The following CSMD1 variants were observed in gnomAD, a reference collection of about 807,000 sequenced individuals.
The protein encoded by CSMD1 is CUB and Sushi multiple domains 1, also known as CUB and sushi domain-containing protein 1.
In CSMD1, 213 loss-of-function variants were observed where a neutral mutation model predicts 417.5. The observed-to-expected ratio is 0.51, with a 90% CI of 0.46 to 0.57. The LOEUF is 0.57. Among genes scored for constraint, CSMD1 ranks in the 20% least tolerant of loss-of-function variants. The pLI is 0.00. For missense variants in CSMD1, 6,923 were observed against 4,529.7 expected, an observed-to-expected ratio of 1.53 and a Z score of -15.17; for synonymous variants, 2,862 against 1,736.8, an observed-to-expected ratio of 1.65 and a Z score of -16.11.
At position 3,983,509 on chromosome 8, in the gene CSMD1, G is replaced by C. The variant is rs551682088; in HGVS notation, c.818+14394C>G. On this transcript the variant is annotated intron_variant, in intron 5 of 69. Transcript: ENST00000635120. ...TGAGGAAAATATACTTACAGGACTT[G>C]GGACAGGAAACTGCCCTTGGATGCC... Among the ~76,000 whole-genome samples the C allele has an allele frequency of 2.2e-4, 34 of 152,314 alleles. No individual in the cohort carries two copies. In the South Asian group the frequency reaches 6.8e-3, roughly 31 times the overall value.
At chr8:3,935,272 T>A (rs1379121315) in intron 5 of CSMD1, among the ~76,000 whole-genome samples, 4 of 152,204 alleles carry the variant, frequency 2.6e-5, no homozygotes, top group African/African-American at 9.6e-5. Context: ...GAAAGAATTT[T>A]CATAGATACT....
rs1475871062 is a variant in CSMD1 at position 4,032,116 on chromosome 8, A to G, written c.416-17T>C. ...TAGGTAAAACTATTGGAAAAAGAAAAGAAAGGAGAAAAAACAAGTTAAATT... is the reference window on the plus strand; with the variant it reads ...TAGGTAAAACTATTGGAAAAAGAAAGGAAAGGAGAAAAAACAAGTTAAATT... On this transcript the variant is annotated splice_polypyrimidine_tract_variant and intron_variant, in intron 3 of 69. Coordinates refer to ENST00000635120, the MANE Select transcript of CSMD1 (RefSeq NM_033225.6). 2 of 1,575,826 alleles carry G rather than the reference A, an allele frequency of 1.3e-6. No individual in the cohort carries two copies. Among genetic ancestry groups the G allele is most frequent in the East Asian group, 4.5e-5 (2 of 44,038 alleles).
intron 4 of CSMD1, among the ~76,000 whole-genome samples, chr8:4,018,939 G>A (rs2554591): frequency 0.2 from 30,617 of 152,050 alleles, 3,885 homozygotes; most frequent in Non-Finnish European, 0.26. Flanking sequence ...ACATACGTAA[G>A]GCATGTAAAC....
At chr8:4,188,105 T>C (rs1407651170) in intron 3 of CSMD1, among the ~76,000 whole-genome samples, 2 of 152,236 alleles carry the variant, frequency 1.3e-5, no homozygotes, top group East Asian at 1.9e-4. Flanking sequence ...ATGCACGACA[T>C]GTAATTAAAA....
chr8:4,559,679 G>C (rs886562051), intron 2 of CSMD1, among the ~76,000 whole-genome samples: 1 of 152,128 alleles, frequency 6.6e-6, no homozygotes, highest in Admixed American at 6.5e-5. Flanking sequence ...ATACCTGAAG[G>C]TCAGTAAAAT....
chr8:3,658,780 C>T (rs1393219604), intron 7 of CSMD1, among the ~76,000 whole-genome samples: 1 of 151,990 alleles, frequency 6.6e-6, no homozygotes, highest in Non-Finnish European at 1.5e-5. Context: ...GAGACTCCAC[C>T]TCAAAAAATA....
chr8:4,106,661 A>C (rs571228023), intron 3 of CSMD1, among the ~76,000 whole-genome samples: 78 of 152,332 alleles, frequency 5.1e-4, no homozygotes, highest in African/African-American at 1.9e-3. Flanking sequence ...TTCACTATAA[A>C]AACAGTAAAA....
intron 3 of CSMD1, among the ~76,000 whole-genome samples, chr8:4,339,453 T>C (rs979481604): frequency 7.2e-5 from 11 of 152,088 alleles, no homozygotes; most frequent in Non-Finnish European, 1.5e-4. Context: ...GAATCAGCTG[T>C]ACAAAGCTAC....
chr8:4,272,271 G>A (rs1162948050), intron 3 of CSMD1, among the ~76,000 whole-genome samples: 3 of 152,138 alleles, frequency 2.0e-5, no homozygotes, highest in Non-Finnish European at 4.4e-5. Context: ...GGGACTTTAA[G>A]AAAACTTATA....
At chr8:3,373,590 T>C (rs2116729583) in intron 18 of CSMD1, 1 of 152,308 alleles carries the variant, frequency 6.6e-6, no homozygotes, top group East Asian at 1.9e-4. Flanking sequence ...TGAATTACAT[T>C]TTAGTGTCTA....
chr8:4,322,697 G>A (rs778982621), intron 3 of CSMD1, among the ~76,000 whole-genome samples: 2 of 152,176 alleles, frequency 1.3e-5, no homozygotes, highest in Admixed American at 1.3e-4. Flanking sequence ...TGGTGACAAG[G>A]TTGAAAATGC....
At chr8:4,560,783 T>A (rs1798294991) in intron 2 of CSMD1, among the ~76,000 whole-genome samples, 1 of 152,238 alleles carries the variant, frequency 6.6e-6, no homozygotes, top group Non-Finnish European at 1.5e-5. Flanking sequence ...ACCTGCACTG[T>A]AGCCTGAAGA....
intron 41 of CSMD1, among the ~76,000 whole-genome samples, chr8:3,126,511 C>T (rs544936598): frequency 6.6e-6 from 1 of 152,252 alleles, no homozygotes; most frequent in African/African-American, 2.4e-5. Flanking sequence ...GCTTCCCTAT[C>T]AATGAAAAGA....
intron 8 of CSMD1, among the ~76,000 whole-genome samples, chr8:3,599,763 G>A (rs151255798): frequency 2.6e-5 from 4 of 152,216 alleles, no homozygotes; most frequent in African/African-American, 9.6e-5. Context: ...TCACCAGGTG[G>A]TCCTTCCCGC....
chr8:3,534,733 T>A (rs890041153), intron 10 of CSMD1, among the ~76,000 whole-genome samples: 3 of 152,224 alleles, frequency 2.0e-5, no homozygotes, highest in Non-Finnish European at 4.4e-5. Context: ...AACAACTGCA[T>A]AAGCATCCAG....
chr8:2,964,787 G>A (rs1044302721), intron 59 of CSMD1, among the ~76,000 whole-genome samples: 4 of 152,150 alleles, frequency 2.6e-5, no homozygotes, highest in Non-Finnish European at 5.9e-5. Context: ...ACGAAAGCAG[G>A]ATGGTCCAAG....
intron 37 of CSMD1, among the ~76,000 whole-genome samples, chr8:3,180,543 C>T (rs573962253): frequency 2.6e-5 from 4 of 152,196 alleles, no homozygotes; most frequent in Non-Finnish European, 5.9e-5. Flanking sequence ...TTAATACAAA[C>T]AACCTGAAAT....
At chr8:4,346,663 AT>A (rs890922969) in intron 3 of CSMD1, among the ~76,000 whole-genome samples, 4 of 152,204 alleles carry the variant, frequency 2.6e-5, no homozygotes, top group East Asian at 1.9e-4. Flanking sequence ...GCAATTTTGA[AT>A]TTTTTTTCTA....
intron 5 of CSMD1, among the ~76,000 whole-genome samples, chr8:3,972,144 G>A (rs1418222328): frequency 2.6e-5 from 4 of 152,058 alleles, no homozygotes; most frequent in South Asian, 2.1e-4. Context: ...GTGCTGGGAT[G>A]ACAGGTTGAA....
Sources: gnomAD v4.1 joint callset for allele counts (sites outside exome capture counted in the v4.1 genomes callset) on GRCh38, gnomAD v4.1.1 for gene constraint, MANE v1.5 for transcripts, NCBI Gene and HGNC (gene_info 2026-07-23, HGNC 2026-07-21) for gene names.